The following GREB1 variants were observed in gnomAD, a reference collection of about 807,000 sequenced individuals.
The protein encoded by GREB1 is protein GREB1.
GREB1 carries 106 observed loss-of-function variants against 200.7 expected under a neutral mutation model. The observed-to-expected ratio is 0.53, with a 90% CI of 0.45 to 0.62. The LOEUF (loss-of-function observed/expected upper bound fraction) is 0.62, where lower values mean the gene tolerates loss of function less well. Ranked by LOEUF, GREB1 falls within the 20% of genes least tolerant of loss-of-function variation. GREB1 has a pLI of 0.00. For synonymous variants in GREB1, 1,132 were observed against 1,092.4 expected, an observed-to-expected ratio of 1.04 and a Z score of -0.72; for missense variants, 2,243 against 2,556.8, an observed-to-expected ratio of 0.88 and a Z score of 2.65.
At chr2:11,490,026 T>C (rs1246152851) in intron 1 of GREB1, among the ~76,000 whole-genome samples, 1 of 149,950 alleles carries the variant, frequency 6.7e-6, no homozygotes, top group Admixed American at 6.7e-5. Context: ...ATTACAATTA[T>C]ATATGTTATA....
intron 1 of GREB1, among the ~76,000 whole-genome samples, chr2:11,536,960 CT>C (rs892370045): frequency 4.6e-5 from 7 of 151,436 alleles, no homozygotes; most frequent in East Asian, 1.9e-4. Context: ...TAGATATTTT[CT>C]TTTTTTTTAT....
chr2:11,540,184 C>G (rs1674623469), intron 1 of GREB1: 1 of 152,238 alleles, frequency 6.6e-6, no homozygotes. Flanking sequence ...ACGAAGACAG[C>G]TGTGGCCTGT....
rs762943246 is a variant in GREB1, at chr2:11,556,781, G to A, written c.157+10G>A. ...CTTGCCGCTCTAGAAGGTGGGAGAC[G>A]CACGTTGCTTTTATCTGTGTATTTC... is the stretch of plus-strand genomic sequence containing the variant. On this transcript the variant is annotated intron_variant, in intron 2 of 32. Transcript: ENST00000381486. 33 of 1,610,780 alleles carry A rather than the reference G, an allele frequency of 2.0e-5. No individual in the cohort carries two copies. The East Asian group carries it at 2.2e-4, about 11-fold the overall frequency.
chr2:11,545,421 T>A (rs993132939), intron 1 of GREB1, among the ~76,000 whole-genome samples: 8 of 152,166 alleles, frequency 5.3e-5, no homozygotes, highest in Non-Finnish European at 1.2e-4. Context: ...CATGAGCCAC[T>A]GCACCCGGCC....
At chr2:11,615,681 TCC>T (rs1229818294) in intron 20 of GREB1, among the ~76,000 whole-genome samples, 4 of 152,238 alleles carry the variant, frequency 2.6e-5, no homozygotes, top group Non-Finnish European at 4.4e-5. Flanking sequence ...CTTGTTTATT[TCC>T]TCTGTGAATC....
chr2:11,618,603 A>G lies in GREB1; in HGVS notation c.3728A>G (p.Gln1243Arg), dbSNP rs1374474049. 1 of 1,613,086 alleles carries G rather than the reference A, an allele frequency of 6.2e-7. No homozygotes were observed. The highest frequency in any genetic ancestry group is 8.5e-7 in the Non-Finnish European group (1 of 1,179,882). ...CCCGCTGCCGGCACGTGGGTCCTGC[A>G]GGCCTCCCAGTGCTCCTTGACCAAG... Reference protein sequence around the residue: ...VAPAAGTWVLQASQCSLTKAC... With the variant: ...VAPAAGTWVLRASQCSLTKAC... The change falls in exon 22 of 33, where the codon CAG (glutamine) becomes CGG (arginine). Residue 1243 changes from glutamine to arginine, a missense_variant. Around this residue, in one of 3 missense-constraint regions of GREB1, gnomAD observed 587 missense variants for 553.1 expected, o/e 1.06. Transcript: ENST00000381486.
chr2:11,628,163 G>A (rs932218619), intron 25 of GREB1, among the ~76,000 whole-genome samples: 4 of 152,256 alleles, frequency 2.6e-5, no homozygotes, highest in African/African-American at 9.6e-5. Flanking sequence ...GCAGAGCTGT[G>A]TTTAGACTGG....
chr2:11,591,671 T>C, intron 10 of GREB1: 1 of 516,008 alleles, frequency 1.9e-6, no homozygotes, highest in Non-Finnish European at 3.5e-6. Context: ...AGTAGCTGGT[T>C]CTGTAAATCC....
intron 23 of GREB1, among the ~76,000 whole-genome samples, chr2:11,624,804 C>T (rs146415471): frequency 2.0e-5 from 3 of 147,020 alleles, no homozygotes; most frequent in East Asian, 4.0e-4. Flanking sequence ...GAAAACATTA[C>T]GAGATTATTT....
intron 1 of GREB1, among the ~76,000 whole-genome samples, chr2:11,522,031 C>T (rs1673721955): frequency 6.6e-6 from 1 of 152,196 alleles, no homozygotes; most frequent in African/African-American, 2.4e-5. Flanking sequence ...TGCAGGAAGT[C>T]TCTGCTTTGT....
At chr2:11,585,063 AAC>A in intron 7 of GREB1, 96 bp from the exon 8 acceptor site, 2 of 592,646 alleles carry the variant, frequency 3.4e-6, no homozygotes, top group African/African-American at 3.9e-5. Flanking sequence ...GAAAAAAAAA[AAC>A]AAAACAAAAC....
chr2:11,498,215 A>G (rs1168638312), intron 1 of GREB1, among the ~76,000 whole-genome samples: 2 of 151,744 alleles, frequency 1.3e-5, no homozygotes, highest in Non-Finnish European at 2.9e-5. Flanking sequence ...TTTTTTCCAG[A>G]AGTGTTATAG....
chr2:11,634,468 C>A (rs1685145545), intron 29 of GREB1, 119 bp downstream of exon 29: 2 of 694,372 alleles, frequency 2.9e-6, no homozygotes, highest in Non-Finnish European at 4.9e-6. Context: ...GCCTTGCTCT[C>A]CGTTGTCCCA....
At chr2:11,574,790 G>C (rs933248709) in intron 4 of GREB1, among the ~76,000 whole-genome samples, 2 of 152,238 alleles carry the variant, frequency 1.3e-5, no homozygotes, top group Non-Finnish European at 2.9e-5. Context: ...AATGGCCCTG[G>C]TTCCCTGTGA....
intron 1 of GREB1, among the ~76,000 whole-genome samples, chr2:11,550,424 T>C (rs1425706946): frequency 6.6e-6 from 1 of 152,220 alleles, no homozygotes; most frequent in Non-Finnish European, 1.5e-5. Context: ...TCAATTTCCC[T>C]GTTTTCACCC....
Position 11,492,305 on chromosome 2 carries a change from A to G in GREB1, c.-159+9924A>G, listed in dbSNP as rs1160488534. Among the ~76,000 whole-genome samples, 2 of 152,126 alleles carry G rather than the reference A, an allele frequency of 1.3e-5. No homozygotes were observed. Among genetic ancestry groups the G allele is most frequent in the Non-Finnish European group, 2.9e-5 (2 of 68,002 alleles). The stretch of plus-strand genomic sequence containing the variant: ...TGAAGTTAGGACAAAAACATCCCTC[A>G]TTCTTTCTTCTCCAAACCCTCAGTG... On this transcript the variant is annotated intron_variant, in intron 1 of 2. Coordinates refer to the GREB1 transcript ENST00000628795. The surrounding 1 kb of genome is among the most constrained non-coding windows in gnomAD (Gnocchi z 4.0).
rs1685564080 is a variant in GREB1 at position 11,638,533 on chromosome 2, T to A, written c.5548-138T>A. 4.6e-6 allele frequency: 3 copies of A among 648,782 alleles called. No individual in the cohort carries two copies. In the South Asian group the frequency reaches 6.6e-5, roughly 14 times the overall value. The allele number at this position is 648,782 out of a possible 1,614,324, so 40.2% of individuals were successfully genotyped here. A position where few individuals can be genotyped will look rare whatever the true frequency, so the allele number is the denominator to read the frequency against. On this transcript the variant is annotated intron_variant, in intron 31 of 32. Transcript: ENST00000381486. ...TTCAGATACAGATTTGGAAATAACA[T>A]GAAAATATTGTCTCTGGCCCCCCAA... is the stretch of plus-strand genomic sequence containing the variant.
At chr2:11,620,616 T>A (rs1349533570) in intron 22 of GREB1, among the ~76,000 whole-genome samples, 1 of 152,190 alleles carries the variant, frequency 6.6e-6, no homozygotes, top group Non-Finnish European at 1.5e-5. Context: ...GCAGCTTGCT[T>A]TGGCTTATGA....
chr2:11,625,331 C>CGA lies in GREB1; in HGVS notation c.4306+20_4306+21insAG. 1 of 1,611,340 alleles carries CGA rather than the reference C, an allele frequency of 6.2e-7. No individual in the cohort carries two copies. ...AGTGAAGGTCAGACTTTGAATCTCT[C>CGA]GTTTCACCTTCCAGAGTGCATGGGC... On this transcript the variant is annotated intron_variant, in intron 24 of 32. Transcript: ENST00000381486.
Sources: gnomAD v4.1 joint callset for allele counts (sites outside exome capture counted in the v4.1 genomes callset) on GRCh38, gnomAD v4.1.1 for gene constraint, gnomAD v4.1.1 regional missense constraint, Gnocchi (gnomAD v3.1) non-coding constraint, MANE v1.5 for transcripts, NCBI Gene and HGNC (gene_info 2026-07-23, HGNC 2026-07-21) for gene names.